Variants in GRIK2 observed in about 807,000 individuals in gnomAD.
GRIK2 encodes the protein glutamate receptor ionotropic, kainate 2.
In GRIK2, 32 loss-of-function variants were observed where a neutral mutation model predicts 100.3. The observed-to-expected ratio is 0.32, with a 90% confidence interval of 0.24 to 0.43. The LOEUF (loss-of-function observed/expected upper bound fraction) is 0.43. Among genes scored for constraint, GRIK2 ranks in the 20% least tolerant of loss-of-function variants. The pLI is 1.00. For missense variants in GRIK2, 843 were observed against 1,114.9 expected, an observed-to-expected ratio of 0.76 and a Z score of 3.47; for synonymous variants, 417 against 389.4, an observed-to-expected ratio of 1.07 and a Z score of -0.83.
chr6:101,586,725 AAAAC>A (rs2128304978), intron 2 of GRIK2, among the ~76,000 whole-genome samples: 1 of 151,700 alleles, frequency 6.6e-6, no homozygotes, highest in African/African-American at 2.4e-5. Context: ...AATTAAAAAA[AAAAC>A]AAATTAAAAA....
At chr6:102,009,960 A>G (rs1438934276) in intron 14 of GRIK2, among the ~76,000 whole-genome samples, 1 of 152,178 alleles carries the variant, frequency 6.6e-6, no homozygotes, top group Non-Finnish European at 1.5e-5. Flanking sequence ...GCTTGAGTGC[A>G]ATATGTAACT....
chr6:101,725,527 T>G (rs1774800304), intron 7 of GRIK2, among the ~76,000 whole-genome samples: 1 of 152,016 alleles, frequency 6.6e-6, no homozygotes, highest in Non-Finnish European at 1.5e-5. Context: ...GACACATTGA[T>G]TTAGTATTTT....
At chr6:101,482,240 G>C (rs1582546473) in intron 2 of GRIK2, among the ~76,000 whole-genome samples, 2 of 152,210 alleles carry the variant, frequency 1.3e-5, no homozygotes, top group Middle Eastern at 6.8e-3. Flanking sequence ...AATATTTATG[G>C]AGCACCTACT....
intron 6 of GRIK2, among the ~76,000 whole-genome samples, chr6:101,683,569 C>T (rs1365083720): frequency 6.6e-6 from 1 of 152,090 alleles, no homozygotes; most frequent in Non-Finnish European, 1.5e-5. Flanking sequence ...TTCTTTCTTC[C>T]ACATGTCCCA....
At chr6:101,640,027 A>T (rs1476368663) in intron 4 of GRIK2, among the ~76,000 whole-genome samples, 2 of 152,208 alleles carry the variant, frequency 1.3e-5, no homozygotes, top group Non-Finnish European at 2.9e-5. Flanking sequence ...CTATTCATAA[A>T]TACTTGTATT....
intron 14 of GRIK2, among the ~76,000 whole-genome samples, chr6:101,941,265 A>C (rs1026592613): frequency 1.9e-4 from 29 of 152,088 alleles, no homozygotes; most frequent in Admixed American, 1.8e-3. Flanking sequence ...AAGTTACACT[A>C]TTAAGAAGAA....
chr6:101,482,848 C>T (rs1443461998), intron 2 of GRIK2, among the ~76,000 whole-genome samples: 1 of 152,066 alleles, frequency 6.6e-6, no homozygotes, highest in Non-Finnish European at 1.5e-5. Context: ...ATAACCTTCT[C>T]TGGGAAAGCC....
intron 4 of GRIK2, among the ~76,000 whole-genome samples, chr6:101,651,802 C>G (rs1226546331): frequency 1.3e-5 from 2 of 152,072 alleles, no homozygotes; most frequent in Non-Finnish European, 2.9e-5. Context: ...ATATAGGTGT[C>G]TGAAGATCCA....
chr6:102,050,783 G>A (rs933015742), intron 15 of GRIK2, among the ~76,000 whole-genome samples: 10 of 151,122 alleles, frequency 6.6e-5, no homozygotes, highest in African/African-American at 1.7e-4. Context: ...GGAGGGTAGA[G>A]GGAGAAAGGG....
In GRIK2 at chr6:101,431,873, G is replaced by A. The variant is rs79115055; in HGVS notation, c.115+32481G>A. Among the ~76,000 whole-genome samples, 1,070 of 152,112 alleles carry A rather than the reference G, an allele frequency of 7.0e-3. 14 individuals are homozygous for A. The highest frequency in any genetic ancestry group is 0.025 in the African/African-American group (1,024 of 41,492). ...CATCACCCATTTAGTGTAGACCCAC[G>A]TGCACTTTTTTTCAGGCATGGATAG... On this transcript the variant is annotated intron_variant, in intron 2 of 16. Coordinates refer to ENST00000369134, the MANE Select transcript of GRIK2 (RefSeq NM_021956.5).
chr6:101,677,639 C>A (rs942712806), intron 5 of GRIK2, among the ~76,000 whole-genome samples: 9 of 152,044 alleles, frequency 5.9e-5, no homozygotes, highest in African/African-American at 2.2e-4. Flanking sequence ...TGGATTTGAA[C>A]ACAAATTTTT....
At chr6:101,515,129 T>C (rs1371626194) in intron 2 of GRIK2, among the ~76,000 whole-genome samples, 1 of 152,118 alleles carries the variant, frequency 6.6e-6, no homozygotes, top group Non-Finnish European at 1.5e-5. Context: ...CTTCCACATA[T>C]TAGTGAGAAC....
chr6:101,690,508 A>G (rs1252848142), intron 7 of GRIK2, among the ~76,000 whole-genome samples: 2 of 152,078 alleles, frequency 1.3e-5, no homozygotes, highest in Non-Finnish European at 2.9e-5. Context: ...TGGCTTTCCT[A>G]ATAATCCCCT....
At chr6:101,842,958 G>A (rs1165928173) in intron 10 of GRIK2, among the ~76,000 whole-genome samples, 1 of 152,052 alleles carries the variant, frequency 6.6e-6, no homozygotes, top group Non-Finnish European at 1.5e-5. Context: ...ACACCAGAGG[G>A]CCTCCAAACA....
At chr6:101,771,776 T>C (rs1430537765) in intron 7 of GRIK2, among the ~76,000 whole-genome samples, 3 of 145,626 alleles carry the variant, frequency 2.1e-5, no homozygotes, top group African/African-American at 7.9e-5. Flanking sequence ...ATTGAGAACA[T>C]GCGGTGTTTG....
chr6:101,983,157 A>C (rs1336075976), intron 14 of GRIK2, among the ~76,000 whole-genome samples: 1 of 151,836 alleles, frequency 6.6e-6, no homozygotes, highest in Non-Finnish European at 1.5e-5. Context: ...GACAGTTTTA[A>C]ATTGGAAGAT....
In GRIK2 at chr6:101,620,193, A is replaced by T. The variant is rs910730858; in HGVS notation, c.116-1756A>T. On this transcript the variant is annotated intron_variant, in intron 2 of 16. Transcript: ENST00000369134. ...TTAAACCCGGTCTAGCTCCAAATAA[A>T]TGTTATATATAAGGGTAGAGAGTAA... 2.8e-5 allele frequency: 24 copies of T among 842,566 alleles called. No individual in the cohort carries two copies. In the African/African-American group the frequency reaches 3.3e-4, roughly 12 times the overall value. The allele number at this position is 842,566 out of a possible 1,614,324, so 52.2% of individuals were successfully genotyped here.
intron 12 of GRIK2, among the ~76,000 whole-genome samples, chr6:101,897,567 T>C (rs908799746): frequency 3.9e-5 from 6 of 151,952 alleles, no homozygotes; most frequent in Middle Eastern, 3.4e-3. Context: ...AAACAACTAT[T>C]CCAGCAAAAT....
intron 2 of GRIK2, among the ~76,000 whole-genome samples, chr6:101,436,989 A>AT (rs1352209339): frequency 6.6e-6 from 1 of 151,128 alleles, no homozygotes; most frequent in East Asian, 1.9e-4. Context: ...TATTGCATGA[A>AT]TTTTAAAAAT....
Sources: gnomAD v4.1 joint callset for allele counts (sites outside exome capture counted in the v4.1 genomes callset) on GRCh38, gnomAD v4.1.1 for gene constraint, MANE v1.5 for transcripts, NCBI Gene and HGNC (gene_info 2026-07-23, HGNC 2026-07-21) for gene names.